TUBGCP5: variants seen among roughly 807,000 people sequenced by gnomAD.
TUBGCP5 encodes gamma-tubulin complex component 5.
TUBGCP5 carries 98 observed loss-of-function variants against 134.7 expected under a neutral mutation model. That is an observed-to-expected ratio of 0.73 (90% CI 0.62 to 0.86). TUBGCP5 has a LOEUF of 0.86. Among genes scored for constraint, TUBGCP5 ranks in the 40% least tolerant of loss-of-function variants. TUBGCP5 has a pLI of 0.00. For synonymous variants in TUBGCP5, 456 were observed against 431.4 expected (o/e 1.06, Z -0.71); for missense variants, 1,150 against 1,244.8 (o/e 0.92, Z 1.15).
intron 18 of TUBGCP5, 113 bp from the exon 19 acceptor site, chr15:23,005,723 A>C: frequency 1.7e-6 from 2 of 1,184,600 alleles, no homozygotes; most frequent in Non-Finnish European, 1.2e-6. Flanking sequence ...CACAGAAAGC[A>C]CTGGCAGGGG....
At position 23,026,151 on chromosome 15, in the gene TUBGCP5, C is replaced by T; in HGVS notation, c.792G>A (p.Leu264=). 2 of 1,610,448 alleles carry T rather than the reference C, an allele frequency of 1.2e-6. No homozygotes were observed. The highest frequency in any genetic ancestry group is 1.1e-5 in the South Asian group (1 of 90,162). The change falls in exon 8 of 23, where the codon TTG becomes TTA. Residue 264 remains leucine, a synonymous_variant. Transcript: ENST00000615383. ...CCCGAATAACCTGAGTCTCAGTAACCAAAACCCTGTCATCTGGAACATACA... is the reference window on the plus strand; with the variant it reads ...CCCGAATAACCTGAGTCTCAGTAACTAAAACCCTGTCATCTGGAACATACA... ...DPLYVPDDRV[L]VTETQVIRET...
chr15:23,021,873 T>C (rs969504788), intron 11 of TUBGCP5, 86 bp downstream of exon 11: 90 of 1,349,248 alleles, frequency 6.7e-5, no homozygotes, highest in Non-Finnish European at 8.7e-5. Flanking sequence ...ATCATTCAAG[T>C]ATCAACAAAG....
In TUBGCP5 at chr15:23,039,532, G is replaced by A. The variant is rs771740075; in HGVS notation, c.12C>T (p.His4=). The stretch of plus-strand genomic sequence containing the variant: ...CGTCCAACCGACTCCACGGTGGCCC[G>A]TGCCGCGCCATGTTCCGCGCTCCTG... MAR[H]GPPWSRLDAQ... Residue 4 remains histidine, a synonymous_variant, in exon 1 of 23, where the codon CAC becomes CAT. Coordinates refer to ENST00000615383, the MANE Select transcript of TUBGCP5 (RefSeq NM_052903.6). The A allele has an allele frequency of 1.4e-6, 2 of 1,476,936 alleles. No homozygotes were observed. Among genetic ancestry groups the A allele is most frequent in the South Asian group, 1.3e-5 (1 of 76,234 alleles). The allele number at this position is 1,476,936 out of a possible 1,614,324, so 91.5% of individuals were successfully genotyped here. A position where few individuals can be genotyped will look rare whatever the true frequency, so the allele number is the denominator to read the frequency against.
intron 13 of TUBGCP5, among the ~76,000 whole-genome samples, chr15:23,011,940 A>T (rs1453183691): frequency 6.6e-6 from 1 of 150,858 alleles, no homozygotes; most frequent in African/African-American, 2.4e-5. Context: ...ACATGGTGAA[A>T]CCTCAGCTCT....
Position 23,006,098 on chromosome 15 carries a change from C to A in TUBGCP5, c.2487G>T (p.Leu829Phe). Residue 829 changes from leucine (L) to phenylalanine (F), a missense_variant, in exon 18 of 23, where the codon TTG becomes TTT. Around this residue, in one of 2 missense-constraint regions of TUBGCP5, gnomAD observed 697 missense variants for 850.1 expected, o/e 0.82. Transcript: ENST00000615383. ...GACTATATTTTGCCCACTTTATTTG[C>A]AATAAGAGAAGAAACACTTGATTAT... ...KIYNQVFLLLLQIKWAKYSLD... is the reference protein window; with the variant it reads ...KIYNQVFLLLFQIKWAKYSLD... 1 of 1,612,006 alleles carries A rather than the reference C, an allele frequency of 6.2e-7. No individual in the cohort carries two copies. Among genetic ancestry groups the A allele is most frequent in the Non-Finnish European group, 8.5e-7 (1 of 1,179,534 alleles).
intron 5 of TUBGCP5, among the ~76,000 whole-genome samples, chr15:23,031,536 G>T (rs367584783): frequency 6.6e-6 from 1 of 151,728 alleles, no homozygotes; most frequent in African/African-American, 2.4e-5. Context: ...GGCTGCTCTC[G>T]AACTCCTCTG....
rs745662165 is a variant in TUBGCP5 at position 23,017,931 on chromosome 15, G to A, written c.1598C>T (p.Ala533Val). The change falls in exon 13 of 23, where the codon GCG becomes GTG. Residue 533 changes from alanine to valine, a missense_variant. Physicochemically the swap from Ala to Val is moderately conservative, Grantham distance 64 (BLOSUM62 0). Coordinates refer to ENST00000615383, the MANE Select transcript of TUBGCP5 (RefSeq NM_052903.6). ...NEEKMSDNASASSGSDQGPSS... is the reference protein window; with the variant it reads ...NEEKMSDNASVSSGSDQGPSS... ...GGGCCCCTGGTCACTGCCGGAACTC[G>A]CACTAGCGTTATCACTCATTTTTTC... 36 of 1,614,074 alleles carry A rather than the reference G, an allele frequency of 2.2e-5. 1 individual carries two copies. The Admixed American group carries it at 2.7e-4, about 12-fold the overall frequency.
At chr15:23,031,617 C>A (rs1234302272) in intron 5 of TUBGCP5, among the ~76,000 whole-genome samples, 2 of 152,040 alleles carry the variant, frequency 1.3e-5, no homozygotes, top group African/African-American at 2.4e-5. Flanking sequence ...CAAGCCCAGA[C>A]AACTTTTTTA....
At chr15:23,034,443 G>A (rs1470563203) in intron 3 of TUBGCP5, among the ~76,000 whole-genome samples, 1 of 152,202 alleles carries the variant, frequency 6.6e-6, no homozygotes, top group Non-Finnish European at 1.5e-5. Flanking sequence ...AGGAAGAACA[G>A]ATCAGAAATA....
rs373331655 is a variant in TUBGCP5 at position 23,017,808 on chromosome 15, C to A, written c.1721G>T (p.Cys574Phe). 10 of 1,613,802 alleles carry A rather than the reference C, an allele frequency of 6.2e-6. No homozygotes were observed. Among genetic ancestry groups the A allele is most frequent in the Admixed American group, 1.7e-5 (1 of 60,000 alleles). The stretch of plus-strand genomic sequence containing the variant: ...TGCCTGGCAGGTGGTGCTCTCCGCA[C>A]ACTGCAGGTTCTTCAGCAGCTGCAT... ...KSMQLLKNLQ[C>F]AESTTCQAGA... Residue 574 changes from cysteine to phenylalanine, a missense_variant, in exon 13 of 23, where the codon TGT (cysteine) becomes TTT (phenylalanine). Cys to Phe is a radical substitution (Grantham distance 205). This residue lies in a region of TUBGCP5 where 697 missense variants were observed against 850.1 expected (regional missense o/e 0.82). Coordinates refer to ENST00000615383, the MANE Select transcript of TUBGCP5 (RefSeq NM_052903.6).
At chr15:23,035,869 T>A (rs2140699126) in intron 3 of TUBGCP5, among the ~76,000 whole-genome samples, 1 of 152,308 alleles carries the variant, frequency 6.6e-6, no homozygotes, top group African/African-American at 2.4e-5. Context: ...CTGTCCACTG[T>A]GCTCTAGGTG....
intron 12 of TUBGCP5, among the ~76,000 whole-genome samples, chr15:23,018,674 T>C (rs764773554): frequency 6.6e-6 from 1 of 152,176 alleles, no homozygotes; most frequent in Admixed American, 6.5e-5. Context: ...AATTTAAAAT[T>C]GGGCTAAAAG....
chr15:23,015,340 C>G (rs2065250675), intron 13 of TUBGCP5, among the ~76,000 whole-genome samples: 1 of 151,124 alleles, frequency 6.6e-6, no homozygotes. Flanking sequence ...CCTGCCTTGG[C>G]CTCCGAAAGT....
chr15:23,014,142 C>T (rs892589642), intron 13 of TUBGCP5, among the ~76,000 whole-genome samples: 3 of 152,240 alleles, frequency 2.0e-5, no homozygotes, highest in African/African-American at 7.2e-5. Context: ...TTCCTACCAG[C>T]TGACATGCCT....
intron 3 of TUBGCP5, among the ~76,000 whole-genome samples, chr15:23,033,103 G>C (rs2066403538): frequency 6.6e-6 from 1 of 152,112 alleles, no homozygotes; most frequent in Non-Finnish European, 1.5e-5. Flanking sequence ...CGACGGAAAT[G>C]TCTTTAGAGT....
At chr15:23,021,216 TC>T (rs2065668690) in intron 11 of TUBGCP5, among the ~76,000 whole-genome samples, 1 of 152,100 alleles carries the variant, frequency 6.6e-6, no homozygotes, top group African/African-American at 2.4e-5. Flanking sequence ...AGTGATCCTC[TC>T]ACCTCAGACT....
At chr15:23,011,591 G>C (rs1167602582) in intron 13 of TUBGCP5, among the ~76,000 whole-genome samples, 2 of 149,392 alleles carry the variant, frequency 1.3e-5, no homozygotes, top group African/African-American at 4.9e-5. Context: ...TGCAACCTCC[G>C]CCTCCCGGGT....
intron 23 of TUBGCP5, among the ~76,000 whole-genome samples, chr15:22,987,765 G>A (rs999097511): frequency 1.1e-4 from 17 of 151,538 alleles, no homozygotes; most frequent in Non-Finnish European, 1.8e-4. Flanking sequence ...GCGTGGTGGC[G>A]GGTGCCTGTA....
intron 10 of TUBGCP5, among the ~76,000 whole-genome samples, chr15:23,022,877 G>T (rs539846825): frequency 9.1e-4 from 138 of 152,254 alleles, no homozygotes; most frequent in African/African-American, 3.3e-3. Context: ...AAGCTACATG[G>T]GTTACCATTT....
Sources: allele counts gnomAD v4.1 joint callset (sites outside exome capture counted in the v4.1 genomes callset), GRCh38; gene constraint gnomAD v4.1.1; regional missense constraint gnomAD v4.1.1; transcripts MANE v1.5; gene names NCBI Gene and HGNC (gene_info 2026-07-23, HGNC 2026-07-21).